The following ASIC2 variants were observed in gnomAD, a reference collection of about 807,000 sequenced individuals.
ASIC2 encodes acid-sensing ion channel 2.
A neutral mutation model predicts 57.3 loss-of-function variants in ASIC2; 25 were observed. That is an observed-to-expected ratio of 0.44 (90% CI 0.32 to 0.61). The LOEUF is 0.61. Ranked by LOEUF, ASIC2 falls within the 20% of genes least tolerant of loss-of-function variation. ASIC2 has a pLI of 0.06. For synonymous variants in ASIC2, 319 were observed against 307.5 expected (o/e 1.04, Z -0.39); for missense variants, 641 against 738.1 (o/e 0.87, Z 1.52).
chr17:33,137,107 G>T (rs984649751), intron 1 of ASIC2, among the ~76,000 whole-genome samples: 2 of 152,202 alleles, frequency 1.3e-5, no homozygotes, highest in African/African-American at 4.8e-5. Flanking sequence ...GCCGCCTGCT[G>T]CTGGGCCTTT....
chr17:33,331,246 C>A, intron 1 of ASIC2, among the ~76,000 whole-genome samples: 1 of 152,196 alleles, frequency 6.6e-6, no homozygotes, highest in Non-Finnish European at 1.5e-5. Context: ...TGGAAAAATT[C>A]TCTTCCACAA....
chr17:33,897,323 A>T (rs1915121450), intron 1 of ASIC2, among the ~76,000 whole-genome samples: 1 of 152,176 alleles, frequency 6.6e-6, no homozygotes, highest in Admixed American at 6.5e-5. Context: ...TTTTGCCCCA[A>T]AGCCTCTCTC....
At chr17:33,634,320 T>C (rs946317305) in intron 1 of ASIC2, among the ~76,000 whole-genome samples, 3 of 152,168 alleles carry the variant, frequency 2.0e-5, no homozygotes, top group Non-Finnish European at 4.4e-5. Context: ...TCCCATCCTC[T>C]CCTAGCCTGC....
intron 1 of ASIC2, among the ~76,000 whole-genome samples, chr17:34,118,054 C>T (rs1357845187): frequency 6.6e-6 from 1 of 152,136 alleles, no homozygotes; most frequent in Non-Finnish European, 1.5e-5. Context: ...TGGGGGGTCT[C>T]CTGGCTCATT....
chr17:33,885,386 T>G (rs1002738283), intron 1 of ASIC2, among the ~76,000 whole-genome samples: 2 of 152,206 alleles, frequency 1.3e-5, no homozygotes, highest in African/African-American at 2.4e-5. Flanking sequence ...AAGCAAGCTC[T>G]CAAAAACGTG....
intron 1 of ASIC2, among the ~76,000 whole-genome samples, chr17:34,093,809 A>T (rs1910420056): frequency 1.3e-5 from 2 of 152,164 alleles, no homozygotes; most frequent in African/African-American, 4.8e-5. Flanking sequence ...CTTCTCAGAT[A>T]GGCAAAGACA....
intron 3 of ASIC2, among the ~76,000 whole-genome samples, chr17:33,053,458 T>A (rs1265286441): frequency 2.0e-5 from 3 of 152,218 alleles, no homozygotes; most frequent in African/African-American, 7.2e-5. Context: ...CCTTCTCCCT[T>A]AGCCTCCACT....
At chr17:33,892,996 G>T (rs1362300826) in intron 1 of ASIC2, among the ~76,000 whole-genome samples, 1 of 152,150 alleles carries the variant, frequency 6.6e-6, no homozygotes, top group African/African-American at 2.4e-5. Context: ...CAAGATTTAT[G>T]ACCCAATTTA....
chr17:33,967,389 C>G (rs779961508), intron 1 of ASIC2, among the ~76,000 whole-genome samples: 1 of 152,098 alleles, frequency 6.6e-6, no homozygotes, highest in Non-Finnish European at 1.5e-5. Flanking sequence ...GCATGCACTA[C>G]CATGCATGGC....
intron 1 of ASIC2, among the ~76,000 whole-genome samples, chr17:33,169,233 C>T (rs1434560758): frequency 6.6e-6 from 1 of 152,182 alleles, no homozygotes; most frequent in African/African-American, 2.4e-5. Flanking sequence ...TCTATAGGAA[C>T]AAAGAATATA....
At chr17:34,017,648 A>G (rs1321758866) in intron 1 of ASIC2, among the ~76,000 whole-genome samples, 1 of 152,222 alleles carries the variant, frequency 6.6e-6, no homozygotes, top group Non-Finnish European at 1.5e-5. Context: ...CACACAAATG[A>G]TAAGAAAGCA....
chr17:33,622,554 G>A (rs1322464265), intron 1 of ASIC2, among the ~76,000 whole-genome samples: 1 of 152,166 alleles, frequency 6.6e-6, no homozygotes, highest in African/African-American at 2.4e-5. Flanking sequence ...CTGTCAGACA[G>A]TCTGGAGGCA....
At chr17:33,048,515 C>A (rs2091963591) in intron 3 of ASIC2, among the ~76,000 whole-genome samples, 2 of 152,172 alleles carry the variant, frequency 1.3e-5, no homozygotes, top group African/African-American at 4.8e-5. Context: ...AGGTAAGGGG[C>A]TTAATTTCTG....
At chr17:33,868,181 A>ATGTGTGTGTGTATGTG (rs1286652242) in intron 1 of ASIC2, among the ~76,000 whole-genome samples, 3 of 150,126 alleles carry the variant, frequency 2.0e-5, no homozygotes, top group Non-Finnish European at 3.0e-5. Context: ...CAACAAATGT[A>ATGTGTGTGTGTATGTG]TGTGTGTGTG....
intron 1 of ASIC2, among the ~76,000 whole-genome samples, chr17:33,126,373 C>A (rs1181499497): frequency 1.3e-5 from 2 of 152,186 alleles, no homozygotes; most frequent in Non-Finnish European, 2.9e-5. Context: ...GAAACGAAGT[C>A]CAGTCTCCTC....
At chr17:34,095,616 T>TAC (rs1172321875) in intron 1 of ASIC2, among the ~76,000 whole-genome samples, 6 of 81,706 alleles carry the variant, frequency 7.3e-5, no homozygotes, top group Non-Finnish European at 1.3e-4. Flanking sequence ...TTTATATATA[T>TAC]ATATATATAT....
chr17:33,087,909 C>T (rs1037744528), intron 3 of ASIC2, among the ~76,000 whole-genome samples: 5 of 152,018 alleles, frequency 3.3e-5, no homozygotes, highest in African/African-American at 1.2e-4. Context: ...GGCTAAACAG[C>T]TGTGATCAGT....
chr17:33,813,790 G>A (rs1363182396), intron 1 of ASIC2, among the ~76,000 whole-genome samples: 2 of 151,948 alleles, frequency 1.3e-5, no homozygotes, highest in African/African-American at 4.8e-5. Flanking sequence ...TAAGGTAATA[G>A]GGGTGAAAGA....
At chr17:33,109,306 G>GGGTT (rs1321983210) in intron 2 of ASIC2, among the ~76,000 whole-genome samples, 1 of 152,166 alleles carries the variant, frequency 6.6e-6, no homozygotes, top group Non-Finnish European at 1.5e-5. Flanking sequence ...TTGCCACAAG[G>GGGTT]GGTTAGTGAC....
Sources: allele counts gnomAD v4.1 joint callset (sites outside exome capture counted in the v4.1 genomes callset), GRCh38; gene constraint gnomAD v4.1.1; transcripts MANE v1.5; gene names NCBI Gene and HGNC (gene_info 2026-07-23, HGNC 2026-07-21).